The following RAB11FIP2 variants were observed in gnomAD, a reference collection of about 807,000 sequenced individuals.
RAB11FIP2 encodes RAB11 family interacting protein 2.
RAB11FIP2 carries 16 observed loss-of-function variants against 40.9 expected under a neutral mutation model. The observed-to-expected ratio is 0.39, with a 90% CI of 0.26 to 0.59. RAB11FIP2 has a LOEUF of 0.59. RAB11FIP2 is among the 20% of genes least tolerant of loss of function. The probability of loss-of-function intolerance (pLI) is 0.53; values close to 1 mark genes in which losing one functional copy is unlikely to be tolerated. For missense variants in RAB11FIP2, 532 were observed against 606.2 expected (o/e 0.88, Z 1.28); for synonymous variants, 228 against 213.7 (o/e 1.07, Z -0.58).
At position 118,045,850 on chromosome 10, in the gene RAB11FIP2, AGATT is replaced by A. The variant is rs1846623742; in HGVS notation, c.310_313del (p.Asn104SerfsTer18). 1 of 1,613,370 alleles carries A rather than the reference AGATT, an allele frequency of 6.2e-7. No homozygotes were observed. The highest frequency in any genetic ancestry group is 8.5e-7 in the Non-Finnish European group (1 of 1,179,620). ...TTGTTTGTCCTCAAAGATGTCATTGAGATTGATTGCCACCTGCCCTAAAAATTTA... is the reference window on the plus strand; with the variant it reads ...TTGTTTGTCCTCAAAGATGTCATTGAGATTGCCACCTGCCCTAAAAATTTA... On this transcript the variant is annotated frameshift_variant, in exon 1 of 5. Transcript: ENST00000355624. LOFTEE classifies it high-confidence loss of function.
At chr10:118,022,800 C>T (rs1846296482) in intron 3 of RAB11FIP2, among the ~76,000 whole-genome samples, 1 of 152,064 alleles carries the variant, frequency 6.6e-6, no homozygotes, top group Admixed American at 6.6e-5. Context: ...AAATTCCTAA[C>T]AAAAGTATGC....
Position 118,039,062 on chromosome 10 carries a change from A to C in RAB11FIP2, c.1175T>G (p.Phe392Cys), listed in dbSNP as rs780665903. 6.2e-7 allele frequency: 1 copy of C among 1,613,346 alleles called. No homozygotes were observed. Among genetic ancestry groups the C allele is most frequent in the Non-Finnish European group, 8.5e-7 (1 of 1,179,674 alleles). Residue 392 changes from phenylalanine (F) to cysteine (C), a missense_variant, in exon 3 of 5, where the codon TTT becomes TGT. Coordinates refer to ENST00000355624, the MANE Select transcript of RAB11FIP2 (RefSeq NM_014904.3). Reference sequence around the variant, plus strand: ...AAAATAGTCCTGGCGATTTTCACTAAATGCATTAGGTGATTTCAAGTCACA... The same window carrying C: ...AAAATAGTCCTGGCGATTTTCACTACATGCATTAGGTGATTTCAAGTCACA... ...SPCDLKSPNA[F>C]SENRQDYFDY...
intron 1 of RAB11FIP2, among the ~76,000 whole-genome samples, chr10:118,041,115 T>C (rs566001429): frequency 6.6e-6 from 1 of 152,216 alleles, no homozygotes; most frequent in South Asian, 2.1e-4. Context: ...GCATATAGCT[T>C]GCTAATCATT....
At chr10:118,032,625 T>C (rs1193185983) in intron 3 of RAB11FIP2, among the ~76,000 whole-genome samples, 2 of 152,166 alleles carry the variant, frequency 1.3e-5, no homozygotes, top group African/African-American at 4.8e-5. Flanking sequence ...GCTTAGGAAA[T>C]AAAGTAGTCC....
rs756567870 is a variant in RAB11FIP2, at chr10:118,039,186, T to C, written c.1051A>G (p.Arg351Gly). ...AGGCTAACTTTCTCCCTTTTCTCTC[T>C]TTTATTTTCTTTTCTTATTTCAATT... is the stretch of plus-strand genomic sequence containing the variant. ...KPIEIRKENK[R>G]EKREKVSLFE... Residue 351 changes from arginine to glycine, a missense_variant, in exon 3 of 5, where the codon AGA (arginine) becomes GGA (glycine). Physicochemically the swap from Arg to Gly is moderately radical, Grantham distance 125. Transcript: ENST00000355624. 6.2e-7 allele frequency: 1 copy of C among 1,613,716 alleles called. No individual in the cohort carries two copies. Among genetic ancestry groups the C allele is most frequent in the Non-Finnish European group, 8.5e-7 (1 of 1,179,772 alleles).
intron 1 of RAB11FIP2, chr10:118,045,606 T>A: frequency 1.9e-6 from 1 of 536,546 alleles, no homozygotes; most frequent in South Asian, 2.5e-5. Context: ...ACAGAAAGAA[T>A]AAGGGATCAT....
chr10:118,025,822 G>T (rs1033150048), intron 3 of RAB11FIP2, among the ~76,000 whole-genome samples: 1 of 151,918 alleles, frequency 6.6e-6, no homozygotes, highest in Non-Finnish European at 1.5e-5. Context: ...TCCATCCTTC[G>T]AGACTTTTAG....
intron 4 of RAB11FIP2, among the ~76,000 whole-genome samples, chr10:118,010,773 T>C (rs765798491): frequency 5.3e-5 from 8 of 151,860 alleles, no homozygotes; most frequent in Non-Finnish European, 1.2e-4. Context: ...CAGGCAGAAA[T>C]GCGTAATGGG....
Position 118,040,371 on chromosome 10 carries a change from G to C in RAB11FIP2, c.548C>G (p.Thr183Arg), listed in dbSNP as rs1316460402. Residue 183 changes from threonine to arginine, a missense_variant, in exon 2 of 5, where the codon ACG (threonine) becomes AGG (arginine). Coordinates refer to ENST00000355624, the MANE Select transcript of RAB11FIP2 (RefSeq NM_014904.3). ...AGTACTTGGAATGATTGCAGAAGACGTATCAGAAAATGTTCCATCATTTTT... is the reference window on the plus strand; with the variant it reads ...AGTACTTGGAATGATTGCAGAAGACCTATCAGAAAATGTTCCATCATTTTT... ...GRKNDGTFSD[T>R]SSAIIPSTHM... The C allele has an allele frequency of 6.2e-7, 1 of 1,613,628 alleles. No homozygotes were observed. The highest frequency in any genetic ancestry group is 1.1e-5 in the South Asian group (1 of 91,078).
Position 118,040,572 on chromosome 10 carries a change from G to C in RAB11FIP2, c.354-7C>G. The C allele has an allele frequency of 6.4e-7, 1 of 1,562,946 alleles. No homozygotes were observed. Among genetic ancestry groups the C allele is most frequent in the South Asian group, 1.2e-5 (1 of 83,870 alleles). On this transcript the variant is annotated splice_polypyrimidine_tract_variant and splice_region_variant and intron_variant, in intron 1 of 4. Coordinates refer to ENST00000355624, the MANE Select transcript of RAB11FIP2 (RefSeq NM_014904.3). ...GGATTCTAATCTAAACCACCTTAAA[G>C]AGAAGAAAAAAAAATTGGCTGTAAC... is the stretch of plus-strand genomic sequence containing the variant.
At position 118,034,165 on chromosome 10, in the gene RAB11FIP2, C is replaced by T. The variant is rs111616055; in HGVS notation, c.1265+4807G>A. On this transcript the variant is annotated intron_variant, in intron 3 of 4. Coordinates refer to ENST00000355624, the MANE Select transcript of RAB11FIP2 (RefSeq NM_014904.3). ...GCGGCTGTGTTCGAACAAAACTTTA[C>T]AAAAACTGGCAGCAAGCCAGATTTG... The T allele has an allele frequency of 1.2e-3, 788 of 642,216 alleles. 4 individuals carry two copies. Among genetic ancestry groups the T allele is most frequent in the African/African-American group, 0.012 (674 of 55,634 alleles). The allele number at this position is 642,216 out of a possible 1,614,324, so 39.8% of individuals were successfully genotyped here. A position where few individuals can be genotyped will look rare whatever the true frequency, so the allele number is the denominator to read the frequency against.
rs558897328 is a variant in RAB11FIP2 at position 118,027,875 on chromosome 10, C to A, written c.1265+11097G>T. ...AACAGAGTTGTCTATCTAGTCATGC[C>A]CCAACTTACAAAATGATGTTCCATG... On this transcript the variant is annotated intron_variant, in intron 3 of 4. Transcript: ENST00000355624. Among the ~76,000 whole-genome samples the A allele has an allele frequency of 5.6e-4, 85 of 151,858 alleles. 1 individual carries two copies. Among genetic ancestry groups the A allele is most frequent in the African/African-American group, 2.0e-3 (84 of 41,376 alleles).
intron 3 of RAB11FIP2, among the ~76,000 whole-genome samples, chr10:118,022,982 A>T (rs1846298909): frequency 6.6e-6 from 1 of 152,222 alleles, no homozygotes; most frequent in Non-Finnish European, 1.5e-5. Flanking sequence ...ATACCTGATG[A>T]TACATTAGTG....
intron 3 of RAB11FIP2, among the ~76,000 whole-genome samples, chr10:118,019,532 G>C (rs1846258796): frequency 6.6e-6 from 1 of 152,044 alleles, no homozygotes; most frequent in South Asian, 2.1e-4. Flanking sequence ...CTAGAGACTT[G>C]GGGATTCACG....
At chr10:118,040,002 T>C (rs1281701104) in intron 2 of RAB11FIP2, 121 bp downstream of exon 2, 4 of 916,260 alleles carry the variant, frequency 4.4e-6, no homozygotes, top group Non-Finnish European at 6.4e-6. Context: ...ATTTGATGAA[T>C]GACAAAATTT....
intron 3 of RAB11FIP2, among the ~76,000 whole-genome samples, chr10:118,019,415 A>C (rs1211218082): frequency 6.6e-6 from 1 of 152,048 alleles, no homozygotes; most frequent in African/African-American, 2.4e-5. Context: ...ACGCCAGTCA[A>C]CTCCTTATTG....
At chr10:118,019,931 G>C (rs976756553) in intron 3 of RAB11FIP2, among the ~76,000 whole-genome samples, 2 of 151,828 alleles carry the variant, frequency 1.3e-5, no homozygotes, top group African/African-American at 4.8e-5. Flanking sequence ...TCTAAAAGGA[G>C]GAAAAGAGAA....
intron 1 of RAB11FIP2, among the ~76,000 whole-genome samples, chr10:118,041,656 A>G (rs1255962367): frequency 6.6e-6 from 1 of 151,834 alleles, no homozygotes; most frequent in African/African-American, 2.4e-5. Context: ...AGGAACTCTG[A>G]TCTAATTTTA....
intron 3 of RAB11FIP2, 60 bp downstream of exon 3, chr10:118,038,912 T>C (rs572649906): frequency 1.2e-5 from 13 of 1,104,028 alleles, no homozygotes; most frequent in African/African-American, 6.3e-5. Context: ...AAAGAAATAT[T>C]TGATACCTTC....
Sources: gnomAD v4.1 joint callset for allele counts (sites outside exome capture counted in the v4.1 genomes callset) on GRCh38, gnomAD v4.1.1 for gene constraint, MANE v1.5 for transcripts, NCBI Gene and HGNC (gene_info 2026-07-23, HGNC 2026-07-21) for gene names.